Variants in HBS1L observed in about 807,000 individuals in gnomAD.
The protein encoded by HBS1L is HBS1 like translational GTPase, also known as HBS1-like protein.
A neutral mutation model predicts 88.9 loss-of-function variants in HBS1L; 55 were observed. The ratio of observed to expected loss-of-function variants is 0.62; its 90% CI spans 0.50 to 0.77. HBS1L has a LOEUF of 0.77. HBS1L is among the 30% of genes least tolerant of loss of function. The probability of loss-of-function intolerance (pLI) is 0.00; values close to 1 mark genes in which losing one functional copy is unlikely to be tolerated. For missense variants in HBS1L, 741 were observed against 829.3 expected, an observed-to-expected ratio of 0.89 and a Z score of 1.31; for synonymous variants, 267 against 288.5, an observed-to-expected ratio of 0.93 and a Z score of 0.76.
intron 4 of HBS1L, chr6:135,037,225 C>A (rs1776582317): frequency 1.9e-6 from 3 of 1,551,730 alleles, no homozygotes; most frequent in African/African-American, 1.4e-5. Context: ...GGGAAAGGAT[C>A]CCAAACTTAG....
chr6:135,015,881 C>T (rs1042405349), intron 4 of HBS1L, among the ~76,000 whole-genome samples: 2 of 145,100 alleles, frequency 1.4e-5, no homozygotes, highest in Admixed American at 6.9e-5. Context: ...ACGAGCCCAG[C>T]CTTTTTTTTT....
chr6:134,969,968 T>G (rs1181228062), intron 15 of HBS1L, among the ~76,000 whole-genome samples: 1 of 151,852 alleles, frequency 6.6e-6, no homozygotes, highest in Non-Finnish European at 1.5e-5. Context: ...AATATAGAGG[T>G]AAAGAGGAAG....
chr6:135,014,577 C>T (rs1173779780), intron 4 of HBS1L, among the ~76,000 whole-genome samples: 3 of 152,160 alleles, frequency 2.0e-5, no homozygotes, highest in Non-Finnish European at 4.4e-5. Flanking sequence ...TAAGAAGGAA[C>T]AGACATGAGA....
At chr6:135,040,344 CTTTTTTT>C (rs71006751) in intron 3 of HBS1L, among the ~76,000 whole-genome samples, 4,337 of 110,088 alleles carry the variant, frequency 0.039, 246 homozygotes, top group African/African-American at 0.15. Context: ...GATAGGCATT[CTTTTTTT>C]TTTTTTTTTT....
chr6:135,024,389 G>A (rs1248477851), intron 4 of HBS1L, among the ~76,000 whole-genome samples: 1 of 141,136 alleles, frequency 7.1e-6, no homozygotes, highest in Non-Finnish European at 1.5e-5. Flanking sequence ...GCAGTGAGCC[G>A]AGATTGCACC....
At chr6:134,975,709 G>T (rs1452855931) in intron 15 of HBS1L, among the ~76,000 whole-genome samples, 1 of 152,016 alleles carries the variant, frequency 6.6e-6, no homozygotes, top group Non-Finnish European at 1.5e-5. Flanking sequence ...GTGCTGGATA[G>T]CTACATATGG....
intron 3 of HBS1L, among the ~76,000 whole-genome samples, chr6:135,040,962 C>A (rs1776716809): frequency 6.6e-6 from 1 of 151,980 alleles, no homozygotes; most frequent in South Asian, 2.1e-4. Context: ...CTAGATATAT[C>A]AAGCAAATTC....
chr6:135,002,696 G>C, intron 5 of HBS1L, 38 bp downstream of exon 5: 1 of 1,205,764 alleles, frequency 8.3e-7, no homozygotes, highest in Non-Finnish European at 1.2e-6. Flanking sequence ...AAAACTTGGG[G>C]GTGGGGGTGG....
chr6:135,049,969 G>C (rs1248487205), intron 2 of HBS1L, among the ~76,000 whole-genome samples: 1 of 152,230 alleles, frequency 6.6e-6, no homozygotes, highest in Admixed American at 6.5e-5. Context: ...GTGACAGGAG[G>C]ATCAGGATTA....
At chr6:135,046,463 A>G (rs920140742) in intron 2 of HBS1L, among the ~76,000 whole-genome samples, 2 of 152,086 alleles carry the variant, frequency 1.3e-5, no homozygotes, top group African/African-American at 4.8e-5. Context: ...CCATTCAAAT[A>G]AAGTTTTATA....
intron 9 of HBS1L, among the ~76,000 whole-genome samples, chr6:134,987,366 T>C (rs1276348490): frequency 1.3e-5 from 2 of 152,140 alleles, no homozygotes; most frequent in Non-Finnish European, 2.9e-5. Flanking sequence ...TAGGTTTATT[T>C]CTGATTTTTA....
rs1775099381 is a variant in HBS1L, at chr6:134,990,414, T to C, written c.1084-2623A>G. On this transcript the variant is annotated intron_variant, in intron 8 of 17. Coordinates refer to ENST00000367837, the MANE Select transcript of HBS1L (RefSeq NM_006620.4). ...TTCCCTGAGGTGAGGCAGCATGCCTTGTATGCTTCCTTGTGTCCCCAAAGC... is the reference window on the plus strand; with the variant it reads ...TTCCCTGAGGTGAGGCAGCATGCCTCGTATGCTTCCTTGTGTCCCCAAAGC... Among the ~76,000 whole-genome samples the C allele has an allele frequency of 3.9e-5, 6 of 152,330 alleles. No individual in the cohort carries two copies. In the South Asian group the frequency reaches 1.2e-3, roughly 32 times the overall value.
At chr6:134,982,413 C>T (rs1774855703) in intron 13 of HBS1L, 45 bp downstream of exon 13, 2 of 1,216,996 alleles carry the variant, frequency 1.6e-6, no homozygotes, top group Middle Eastern at 3.8e-4. Context: ...AATCTGCTGT[C>T]TCAACTTAAG....
At chr6:135,019,553 T>C (rs1776014261) in intron 4 of HBS1L, among the ~76,000 whole-genome samples, 1 of 151,924 alleles carries the variant, frequency 6.6e-6, no homozygotes, top group Non-Finnish European at 1.5e-5. Context: ...AGAATACACA[T>C]ACACAGGCCT....
chr6:135,036,964 T>A, intron 4 of HBS1L: 1 of 1,551,302 alleles, frequency 6.4e-7, no homozygotes, highest in Non-Finnish European at 8.7e-7. Flanking sequence ...AAAATCTGGG[T>A]TTTTTATAAG....
At chr6:134,999,808 G>A (rs948613930) in intron 5 of HBS1L, among the ~76,000 whole-genome samples, 29 of 152,152 alleles carry the variant, frequency 1.9e-4, no homozygotes, top group Non-Finnish European at 4.0e-4. Flanking sequence ...CAGTGTTAGT[G>A]GGAAATGACC....
intron 4 of HBS1L, among the ~76,000 whole-genome samples, chr6:135,005,752 T>C (rs1775592630): frequency 6.6e-6 from 1 of 152,216 alleles, no homozygotes. Context: ...AGGTAGAAAC[T>C]GAGCTGAGAC....
At chr6:134,990,168 T>C (rs906832215) in intron 8 of HBS1L, among the ~76,000 whole-genome samples, 14 of 152,352 alleles carry the variant, frequency 9.2e-5, no homozygotes, top group African/African-American at 2.9e-4. Context: ...CTAATCTTCC[T>C]ATTACTATCT....
Position 134,960,512 on chromosome 6 carries a change from AT to A in HBS1L, c.*4766del, listed in dbSNP as rs1337618478. On this transcript the variant is annotated 3_prime_UTR_variant, in exon 18 of 18. Coordinates refer to ENST00000367837, the MANE Select transcript of HBS1L (RefSeq NM_006620.4). ...TAATTTCTAATAAATTTCATTATGCATTTTTATGTCATTTGGTACAGTTTTA... is the reference window on the plus strand; with the variant it reads ...TAATTTCTAATAAATTTCATTATGCATTTTATGTCATTTGGTACAGTTTTA... The A allele has an allele frequency of 6.6e-6, 1 of 152,016 alleles. No individual in the cohort carries two copies. The highest frequency in any genetic ancestry group is 1.5e-5 in the Non-Finnish European group (1 of 67,950). 9.4% of individuals were successfully genotyped at this position (152,016 alleles called of 1,614,324 possible). A position where few individuals can be genotyped will look rare whatever the true frequency, so the allele number is the denominator to read the frequency against.
Sources: gnomAD v4.1 joint callset for allele counts (sites outside exome capture counted in the v4.1 genomes callset) on GRCh38, gnomAD v4.1.1 for gene constraint, MANE v1.5 for transcripts, NCBI Gene and HGNC (gene_info 2026-07-23, HGNC 2026-07-21) for gene names.